MDGA2: variants seen among roughly 807,000 people sequenced by gnomAD.
The protein encoded by MDGA2 is MAM domain containing glycosylphosphatidylinositol anchor 2, also known as MAM domain-containing glycosylphosphatidylinositol anchor protein 2.
Under a neutral mutation model 117.8 loss-of-function variants are expected in MDGA2, and 40 were observed. The observed-to-expected ratio is 0.34, with a 90% CI of 0.26 to 0.44. The LOEUF is 0.44. Among genes scored for constraint, MDGA2 ranks in the 20% least tolerant of loss-of-function variants. MDGA2 has a pLI of 1.00. For synonymous variants in MDGA2, 452 were observed against 439.0 expected (o/e 1.03, Z -0.37); for missense variants, 1,123 against 1,250.6 (o/e 0.90, Z 1.54).
At chr14:47,195,402 CAA>C (rs901697302) in intron 3 of MDGA2, among the ~76,000 whole-genome samples, 1 of 151,918 alleles carries the variant, frequency 6.6e-6, no homozygotes, top group Non-Finnish European at 1.5e-5. Context: ...TATTAAAATG[CAA>C]AGACATTAAG....
At chr14:47,196,843 C>T (rs1177022930) in intron 3 of MDGA2, among the ~76,000 whole-genome samples, 1 of 152,166 alleles carries the variant, frequency 6.6e-6, no homozygotes, top group Non-Finnish European at 1.5e-5. Flanking sequence ...AAGCAGTCCC[C>T]AGTCTATTGT....
At chr14:47,181,334 T>G (rs1298552403) in intron 3 of MDGA2, among the ~76,000 whole-genome samples, 1 of 152,190 alleles carries the variant, frequency 6.6e-6, no homozygotes, top group Admixed American at 6.5e-5. Context: ...ACATGTGGTG[T>G]TTGGTTTTCT....
At chr14:47,307,982 G>A (rs1889511005) in intron 1 of MDGA2, among the ~76,000 whole-genome samples, 1 of 152,100 alleles carries the variant, frequency 6.6e-6, no homozygotes, top group African/African-American at 2.4e-5. Context: ...GGAGAACAAA[G>A]AAAATGAGGT....
intron 1 of MDGA2, among the ~76,000 whole-genome samples, chr14:47,509,953 C>T (rs1262882729): frequency 6.6e-6 from 1 of 152,072 alleles, no homozygotes; most frequent in Non-Finnish European, 1.5e-5. Context: ...ACTTTTAGGG[C>T]TGTGGGGATG....
At chr14:47,252,986 C>T (rs73251631) in intron 2 of MDGA2, among the ~76,000 whole-genome samples, 5,988 of 152,052 alleles carry the variant, frequency 0.039, 127 homozygotes, top group African/African-American at 0.047. Flanking sequence ...GAATGAGAGC[C>T]GAGCAAAAGG....
At chr14:47,180,165 T>C (rs1352239739) in intron 3 of MDGA2, among the ~76,000 whole-genome samples, 2 of 152,178 alleles carry the variant, frequency 1.3e-5, no homozygotes, top group African/African-American at 4.8e-5. Flanking sequence ...GTTATTTTTC[T>C]TGATCCTCTC....
chr14:46,936,540 C>CA (rs995402613), intron 9 of MDGA2, among the ~76,000 whole-genome samples: 38 of 152,132 alleles, frequency 2.5e-4, no homozygotes, highest in African/African-American at 7.5e-4. Context: ...ATCTCACTTA[C>CA]AATATATTAG....
intron 1 of MDGA2, among the ~76,000 whole-genome samples, chr14:47,390,685 G>A (rs989921566): frequency 2.0e-5 from 3 of 152,170 alleles, no homozygotes; most frequent in Admixed American, 6.6e-5. Flanking sequence ...TTTCTGTGAT[G>A]CAGGTTACAT....
chr14:47,278,105 A>C (rs765649650), intron 2 of MDGA2, among the ~76,000 whole-genome samples: 3 of 152,128 alleles, frequency 2.0e-5, no homozygotes, highest in Non-Finnish European at 2.9e-5. Context: ...AAGAATGGAT[A>C]CACAATTCAA....
chr14:46,933,930 ACT>A (rs906884722), intron 9 of MDGA2, among the ~76,000 whole-genome samples: 6 of 147,300 alleles, frequency 4.1e-5, no homozygotes, highest in Non-Finnish European at 6.0e-5. Flanking sequence ...TAACTCCTTG[ACT>A]CTAAAATCCT....
At position 47,639,869 on chromosome 14, in the gene MDGA2, A is replaced by G. The variant is rs146085427; in HGVS notation, c.280+34648T>C. 1.2e-3 allele frequency among the ~76,000 whole-genome samples: 185 copies of G among 152,250 alleles called. 2 individuals are homozygous for G. Among genetic ancestry groups the G allele is most frequent in the African/African-American group, 4.3e-3 (178 of 41,558 alleles). ...AAATATCTATATAGCTTAAACTCTC[A>G]AATACCCATTATTCACTTTTCCATT... On this transcript the variant is annotated intron_variant, in intron 1 of 16. Transcript: ENST00000399232.
intron 1 of MDGA2, among the ~76,000 whole-genome samples, chr14:47,488,239 T>G (rs1177381115): frequency 6.6e-6 from 1 of 152,164 alleles, no homozygotes; most frequent in African/African-American, 2.4e-5. Flanking sequence ...AGAGAACGAA[T>G]AGAACTTCAT....
chr14:47,218,287 G>C lies in MDGA2; in HGVS notation c.421-92C>G, dbSNP rs1886174028. On this transcript the variant is annotated intron_variant, in intron 2 of 16. Transcript: ENST00000399232. ...CACTCATTTGAAGAGTTTGCATTTA[G>C]AGCTGCTACATTGCCTCTCCCATCA... 3 of 1,088,832 alleles carry C rather than the reference G, an allele frequency of 2.8e-6. No homozygotes were observed. In the South Asian group the frequency reaches 5.8e-5, roughly 21 times the overall value. The allele number at this position is 1,088,832 out of a possible 1,614,324, so 67.4% of individuals were successfully genotyped here. A position where few individuals can be genotyped will look rare whatever the true frequency, so the allele number is the denominator to read the frequency against.
chr14:46,880,465 C>A (rs957172921), intron 11 of MDGA2, among the ~76,000 whole-genome samples: 9 of 152,076 alleles, frequency 5.9e-5, no homozygotes, highest in African/African-American at 2.2e-4. Context: ...AAAATGCACA[C>A]AAATTTCAAT....
At chr14:47,311,442 A>G (rs975405849) in intron 1 of MDGA2, among the ~76,000 whole-genome samples, 15 of 152,214 alleles carry the variant, frequency 9.9e-5, no homozygotes, top group Middle Eastern at 3.4e-3. Flanking sequence ...CCATTGAGAA[A>G]TCACTGCCAC....
intron 9 of MDGA2, among the ~76,000 whole-genome samples, chr14:46,948,478 C>T (rs1885251197): frequency 6.6e-6 from 1 of 151,888 alleles, no homozygotes; most frequent in Non-Finnish European, 1.5e-5. Flanking sequence ...TTTCTCCCTC[C>T]AGTTCTCTCA....
intron 1 of MDGA2, among the ~76,000 whole-genome samples, chr14:47,595,687 G>A (rs1247499290): frequency 1.3e-5 from 2 of 151,954 alleles, no homozygotes; most frequent in Admixed American, 6.6e-5. Context: ...TTCTTTGAAG[G>A]AGCCACCCTC....
chr14:46,917,407 C>A lies in MDGA2; in HGVS notation c.2238+2605G>T, dbSNP rs187481951. 4.3e-3 allele frequency among the ~76,000 whole-genome samples: 662 copies of A among 152,224 alleles called. 5 individuals are homozygous for A. Among genetic ancestry groups the A allele is most frequent in the African/African-American group, 0.015 (623 of 41,524 alleles). The stretch of plus-strand genomic sequence containing the variant: ...CCTGGCCTGTGGAACAAGTGGGGGA[C>A]ATAATCCACTTCATATTCCAATTGC... On this transcript the variant is annotated intron_variant, in intron 10 of 16. Transcript: ENST00000399232.
chr14:47,424,436 G>A (rs577234607), intron 1 of MDGA2, among the ~76,000 whole-genome samples: 8 of 151,512 alleles, frequency 5.3e-5, no homozygotes, highest in Non-Finnish European at 8.8e-5. Flanking sequence ...AAAGTTTTAA[G>A]AGCATATTTA....
Sources: allele counts gnomAD v4.1 joint callset (sites outside exome capture counted in the v4.1 genomes callset), GRCh38; gene constraint gnomAD v4.1.1; transcripts MANE v1.5; gene names NCBI Gene and HGNC (gene_info 2026-07-23, HGNC 2026-07-21).